NRG3: variants seen among roughly 807,000 people sequenced by gnomAD.
The protein encoded by NRG3 is neuregulin 3.
NRG3 carries 31 observed loss-of-function variants against 66.9 expected under a neutral mutation model. That is an observed-to-expected ratio of 0.46 (90% CI 0.35 to 0.63). The LOEUF (loss-of-function observed/expected upper bound fraction) is 0.63, where lower values mean the gene tolerates loss of function less well. NRG3 is among the 20% of genes least tolerant of loss of function. NRG3 has a pLI of 0.00. For missense variants in NRG3, 910 were observed against 878.9 expected, an observed-to-expected ratio of 1.04 and a Z score of -0.45; for synonymous variants, 393 against 359.4, an observed-to-expected ratio of 1.09 and a Z score of -1.06.
At chr10:82,312,070 C>G (rs974300061) in intron 1 of NRG3, among the ~76,000 whole-genome samples, 2 of 152,118 alleles carry the variant, frequency 1.3e-5, no homozygotes, top group African/African-American at 4.8e-5. Flanking sequence ...AGCACAGAAG[C>G]CTGGTGCAGG....
At chr10:82,756,389 C>G (rs1035112983) in intron 3 of NRG3, among the ~76,000 whole-genome samples, 3 of 152,074 alleles carry the variant, frequency 2.0e-5, no homozygotes, top group African/African-American at 7.2e-5. Flanking sequence ...GTTTTACATA[C>G]TAATGTAAAA....
At chr10:82,162,619 T>C (rs1484147383) in intron 1 of NRG3, among the ~76,000 whole-genome samples, 1 of 152,116 alleles carries the variant, frequency 6.6e-6, no homozygotes, top group Non-Finnish European at 1.5e-5. Context: ...AGAGAATACA[T>C]TGAAGTGTCA....
At chr10:82,108,319 G>A (rs1000322424) in intron 1 of NRG3, among the ~76,000 whole-genome samples, 1 of 152,116 alleles carries the variant, frequency 6.6e-6, no homozygotes, top group Admixed American at 6.6e-5. Flanking sequence ...ATTTTCCTGT[G>A]CTCTTCTGGA....
intron 1 of NRG3, among the ~76,000 whole-genome samples, chr10:81,916,566 C>T (rs7093578): frequency 0.019 from 2,872 of 152,132 alleles, 78 homozygotes; most frequent in African/African-American, 0.063. Flanking sequence ...ACAGTCATCT[C>T]CTAAAAGCAG....
intron 2 of NRG3, among the ~76,000 whole-genome samples, chr10:82,642,607 A>G (rs1270119334): frequency 6.6e-6 from 1 of 150,720 alleles, no homozygotes; most frequent in East Asian, 1.9e-4. Flanking sequence ...GAACTCTACA[A>G]GGAGAAAAAA....
intron 3 of NRG3, among the ~76,000 whole-genome samples, chr10:82,847,539 C>A (rs1236871190): frequency 6.6e-6 from 1 of 152,046 alleles, no homozygotes; most frequent in Non-Finnish European, 1.5e-5. Context: ...GTATGAAAGC[C>A]CATATAATTA....
chr10:82,798,182 G>T (rs999237797), intron 3 of NRG3, among the ~76,000 whole-genome samples: 6 of 152,098 alleles, frequency 3.9e-5, no homozygotes, highest in African/African-American at 1.4e-4. Flanking sequence ...AACCCACAGA[G>T]TTAGGGGCTG....
chr10:81,957,698 C>T (rs1328991672), intron 1 of NRG3, among the ~76,000 whole-genome samples: 1 of 152,086 alleles, frequency 6.6e-6, no homozygotes, highest in Non-Finnish European at 1.5e-5. Flanking sequence ...AGACCGAGAA[C>T]AGGAATGAAG....
chr10:81,981,068 A>G (rs2060315477), intron 1 of NRG3, among the ~76,000 whole-genome samples: 1 of 152,194 alleles, frequency 6.6e-6, no homozygotes, highest in South Asian at 2.1e-4. Flanking sequence ...TGGATCTCCA[A>G]AATCCCTGTC....
intron 1 of NRG3, among the ~76,000 whole-genome samples, chr10:82,021,786 ATGTGTGTGTGTGTGTGTG>A (rs71950373): frequency 1.3e-4 from 8 of 61,074 alleles, no homozygotes; most frequent in Non-Finnish European, 2.3e-4. Flanking sequence ...GGCATGTAGT[ATGTGTGTGTGTGTGTGTG>A]TGTGTGTGTG....
At chr10:81,885,964 A>G (rs1489933866) in intron 1 of NRG3, among the ~76,000 whole-genome samples, 1 of 152,112 alleles carries the variant, frequency 6.6e-6, no homozygotes, top group African/African-American at 2.4e-5. Flanking sequence ...TATTTCATTG[A>G]CTTTTCAGTA....
At chr10:82,512,055 AT>A (rs1286298308) in intron 2 of NRG3, among the ~76,000 whole-genome samples, 1 of 151,932 alleles carries the variant, frequency 6.6e-6, no homozygotes, top group Non-Finnish European at 1.5e-5. Context: ...ATCGAAGATA[AT>A]TTTCTGGTAT....
At chr10:82,589,865 G>C (rs976786033) in intron 2 of NRG3, among the ~76,000 whole-genome samples, 1 of 152,118 alleles carries the variant, frequency 6.6e-6, no homozygotes, top group African/African-American at 2.4e-5. Flanking sequence ...CTAAAACATA[G>C]TATAAAATCA....
At chr10:82,800,106 ACT>A (rs982944146) in intron 3 of NRG3, among the ~76,000 whole-genome samples, 4 of 147,920 alleles carry the variant, frequency 2.7e-5, no homozygotes, top group Admixed American at 6.7e-5. Flanking sequence ...CCGGTTTCTG[ACT>A]CTCTTGTGCT....
intron 1 of NRG3, among the ~76,000 whole-genome samples, chr10:82,320,957 C>A (rs2081538429): frequency 6.6e-6 from 1 of 152,212 alleles, no homozygotes; most frequent in Non-Finnish European, 1.5e-5. Flanking sequence ...TGCTGGGAGT[C>A]ACCTCCATCC....
intron 2 of NRG3, among the ~76,000 whole-genome samples, chr10:82,394,341 G>T (rs902056522): frequency 1.3e-5 from 2 of 152,212 alleles, no homozygotes; most frequent in Non-Finnish European, 2.9e-5. Context: ...CCCTAGGCAG[G>T]CTGCCAAAGC....
At chr10:82,668,697 G>A (rs1164719689) in intron 2 of NRG3, among the ~76,000 whole-genome samples, 1 of 152,174 alleles carries the variant, frequency 6.6e-6, no homozygotes, top group African/African-American at 2.4e-5. Context: ...TCCATCAGCA[G>A]CTGTTGCGTC....
rs1445102240 is a variant in NRG3, at chr10:81,875,639, C to G, written c.299C>G (p.Thr100Ser). The part of the protein sequence containing the change: ...VVGSVKEYVP[T>S]DLVDSKGMGQ... ...GGCTCCGTCAAGGAGTACGTGCCCA[C>G]CGACCTAGTGGACTCCAAGGGGATG... Residue 100 changes from threonine (T) to serine (S), a missense_variant, in exon 1 of 9, where the codon ACC becomes AGC. Physicochemically the swap from Thr to Ser is moderately conservative, Grantham distance 58. Coordinates refer to ENST00000372141, the MANE Select transcript of NRG3 (RefSeq NM_001010848.4). This position sits in a 1 kb window ranked among gnomAD's most constrained non-coding sequence, Gnocchi z 5.3. 6.2e-7 allele frequency: 1 copy of G among 1,613,756 alleles called. No homozygotes were observed. Among genetic ancestry groups the G allele is most frequent in the African/African-American group, 1.3e-5 (1 of 74,920 alleles).
chr10:82,068,036 C>T (rs1294831233), intron 1 of NRG3, among the ~76,000 whole-genome samples: 1 of 152,212 alleles, frequency 6.6e-6, no homozygotes, highest in Non-Finnish European at 1.5e-5. Flanking sequence ...TGATCTTGAA[C>T]AGTACACAAC....
Sources: gnomAD v4.1 joint callset for allele counts (sites outside exome capture counted in the v4.1 genomes callset) on GRCh38, gnomAD v4.1.1 for gene constraint, Gnocchi (gnomAD v3.1) non-coding constraint, MANE v1.5 for transcripts, NCBI Gene and HGNC (gene_info 2026-07-23, HGNC 2026-07-21) for gene names.